The following CLCN1 variants were observed in gnomAD, a reference collection of about 807,000 sequenced individuals.
CLCN1 encodes chloride voltage-gated channel 1, also known as chloride channel protein 1.
In CLCN1, 100 loss-of-function variants were observed where a neutral mutation model predicts 114.5. The observed-to-expected ratio is 0.87, with a 90% CI of 0.74 to 1.03. The LOEUF (loss-of-function observed/expected upper bound fraction) is 1.03. CLCN1 is among the 50% of genes least tolerant of loss of function. The probability of loss-of-function intolerance (pLI) is 0.00; values close to 1 mark genes in which losing one functional copy is unlikely to be tolerated. For missense variants in CLCN1, 1,188 were observed against 1,250.0 expected, an observed-to-expected ratio of 0.95 and a Z score of 0.75; for synonymous variants, 485 against 487.1, an observed-to-expected ratio of 1.00 and a Z score of 0.06.
chr7:143,332,312 G>A, intron 10 of CLCN1, 107 bp from the exon 11 acceptor site: 1 of 885,266 alleles, frequency 1.1e-6, no homozygotes, highest in South Asian at 1.3e-5. Flanking sequence ...TTCATTTAAA[G>A]AAATGAGACT....
chr7:143,339,517 C>A lies in CLCN1; in HGVS notation c.1478C>A (p.Ala493Glu), dbSNP rs770900468. The A allele has an allele frequency of 9.3e-6, 15 of 1,611,698 alleles. No homozygotes were observed. The highest frequency in any genetic ancestry group is 1.1e-5 in the Non-Finnish European group (13 of 1,177,868). Reference protein sequence around the residue: ...GFMPVFVLGAAFGRLVGEIMA... With the variant: ...GFMPVFVLGAEFGRLVGEIMA... The stretch of plus-strand genomic sequence containing the variant: ...CCTTTTATCTTCCCTCTAGGAGCTG[C>A]ATTTGGAAGGCTGGTAGGAGAAATC... Residue 493 changes from alanine (A) to glutamate (E), a missense_variant, in exon 14 of 23, where the codon GCA becomes GAA. Ala to Glu is a moderately radical substitution (Grantham distance 107). Coordinates refer to ENST00000343257, the MANE Select transcript of CLCN1 (RefSeq NM_000083.3). This position sits in a 1 kb window ranked among gnomAD's most constrained non-coding sequence, Gnocchi z 4.1.
chr7:143,321,295 A>T lies in CLCN1; in HGVS notation c.434-70A>T, dbSNP rs1802424306. 10 of 1,580,444 alleles carry T rather than the reference A, an allele frequency of 6.3e-6. No homozygotes were observed. Among genetic ancestry groups the T allele is most frequent in the Non-Finnish European group, 8.7e-6 (10 of 1,155,604 alleles). Reference sequence around the variant, plus strand: ...AGCACGGCCTGAGAACATGCCGGGTACACGTCCTGGTGCCGTGGACACGGC... The same window carrying T: ...AGCACGGCCTGAGAACATGCCGGGTTCACGTCCTGGTGCCGTGGACACGGC... On this transcript the variant is annotated intron_variant, in intron 3 of 22. Coordinates refer to ENST00000343257, the MANE Select transcript of CLCN1 (RefSeq NM_000083.3). The surrounding 1 kb of genome is among the most constrained non-coding windows in gnomAD (Gnocchi z 4.2).
intron 6 of CLCN1, chr7:143,323,736 C>T: frequency 4.0e-6 from 2 of 499,738 alleles, no homozygotes; most frequent in Non-Finnish European, 8.1e-6. Context: ...CTTTGTAGCT[C>T]CCAATCCCTC....
intron 16 of CLCN1, among the ~76,000 whole-genome samples, chr7:143,343,269 A>G (rs1803138057): frequency 6.6e-6 from 1 of 152,252 alleles, no homozygotes; most frequent in Non-Finnish European, 1.5e-5. Flanking sequence ...CACTAGGAAC[A>G]GTAAACAGCA....
intron 16 of CLCN1, among the ~76,000 whole-genome samples, chr7:143,343,901 G>A (rs558977817): frequency 2.0e-5 from 3 of 151,826 alleles, no homozygotes; most frequent in Admixed American, 1.3e-4. Flanking sequence ...GTGCAATGGC[G>A]CCATCTTGGC....
chr7:143,316,389 A>G lies in CLCN1; in HGVS notation c.177A>G (p.Thr59=), dbSNP rs1586479596. ...GCCCCCGCCACAACGTCCACCCCAC[A>G]CAGGTAAAGTGCTCTAAGGGGAGAG... ...DAGPRHNVHP[T]QIYGHHKEQF... is the part of the protein sequence containing the mutation. Residue 59 remains threonine (T), a synonymous_variant, in exon 1 of 23, where the codon ACA becomes ACG. Coordinates refer to ENST00000343257, the MANE Select transcript of CLCN1 (RefSeq NM_000083.3). 1 of 1,612,808 alleles carries G rather than the reference A, an allele frequency of 6.2e-7. No individual in the cohort carries two copies. The highest frequency in any genetic ancestry group is 1.1e-5 in the South Asian group (1 of 91,072).
chr7:143,349,625 A>AAACAGACAAAAACC (rs1404091547), intron 20 of CLCN1, among the ~76,000 whole-genome samples: 9 of 152,236 alleles, frequency 5.9e-5, no homozygotes, highest in Non-Finnish European at 1.2e-4. Flanking sequence ...AGACAAAAAC[A>AAACAGACAAAAACC]AACAAACAAA....
intron 12 of CLCN1, among the ~76,000 whole-genome samples, chr7:143,334,447 T>C (rs1802817403): frequency 6.6e-6 from 1 of 152,202 alleles, no homozygotes; most frequent in African/African-American, 2.4e-5. Flanking sequence ...GTTATATTTA[T>C]ATTGCAATAG....
intron 1 of CLCN1, among the ~76,000 whole-genome samples, chr7:143,317,600 G>T (rs1307862802): frequency 2.0e-5 from 3 of 150,666 alleles, no homozygotes; most frequent in Non-Finnish European, 4.4e-5. Context: ...TTTTAACAGG[G>T]AGCCTTCAGT....
In CLCN1 at chr7:143,319,656, G is replaced by A. The variant is rs1360961790; in HGVS notation, c.181-99G>A. On this transcript the variant is annotated intron_variant, in intron 1 of 22. Coordinates refer to ENST00000343257, the MANE Select transcript of CLCN1 (RefSeq NM_000083.3). The stretch of plus-strand genomic sequence containing the variant: ...GCAGTCAACACCCAGAATTCAAAAA[G>A]CTGTTGTTCTTTTCTTCTGTGAGTC... The A allele has an allele frequency of 2.3e-6, 3 of 1,315,288 alleles. No homozygotes were observed. The African/African-American group carries it at 4.4e-5, about 19-fold the overall frequency. The allele number at this position is 1,315,288 out of a possible 1,614,324, so 81.5% of individuals were successfully genotyped here. A position where few individuals can be genotyped will look rare whatever the true frequency, so the allele number is the denominator to read the frequency against.
In CLCN1 at chr7:143,346,941, C is replaced by T. The variant is rs774565204; in HGVS notation, c.2395C>T (p.Pro799Ser). 1 of 1,613,494 alleles carries T rather than the reference C, an allele frequency of 6.2e-7. No individual in the cohort carries two copies. The highest frequency in any genetic ancestry group is 1.1e-5 in the South Asian group (1 of 91,064). ...DSTDLVDNMS[P>S]EEIEAWEQEQ... Reference sequence around the variant, plus strand: ...CACAGATTTAGTGGATAACATGTCACCTGAAGAGGTGAGTAAGGGAAATGG... The same window carrying T: ...CACAGATTTAGTGGATAACATGTCATCTGAAGAGGTGAGTAAGGGAAATGG... The change falls in exon 20 of 23, where the codon CCT (proline) becomes TCT (serine). Residue 799 changes from proline (P) to serine (S), a missense_variant. Coordinates refer to ENST00000343257, the MANE Select transcript of CLCN1 (RefSeq NM_000083.3).
At chr7:143,332,296 A>C in intron 10 of CLCN1, 123 bp from the exon 11 acceptor site, 1 of 838,328 alleles carries the variant, frequency 1.2e-6, no homozygotes, top group Non-Finnish European at 2.1e-6. Context: ...TGTGAAGAGA[A>C]TCTTTTTCAT....
intron 1 of CLCN1, among the ~76,000 whole-genome samples, chr7:143,319,116 C>T (rs1239732269): frequency 1.3e-5 from 2 of 152,162 alleles, no homozygotes; most frequent in African/African-American, 2.4e-5. Context: ...GTCCTCTTCA[C>T]ATGTGGGGCA....
In CLCN1 at chr7:143,345,530, T is replaced by C. The variant is rs1328217246; in HGVS notation, c.1940T>C (p.Ile647Thr). The C allele has an allele frequency of 1.3e-6, 2 of 1,537,560 alleles. No homozygotes were observed. The highest frequency in any genetic ancestry group is 2.5e-5 in the East Asian group (1 of 40,566). Residue 647 changes from isoleucine to threonine, a missense_variant, in exon 17 of 23, where the codon ATC becomes ACC. Coordinates refer to ENST00000343257, the MANE Select transcript of CLCN1 (RefSeq NM_000083.3). ...CGTGGGTTTCCCTCAGATTCAATGA[T>C]CCTGCTGGGCTCGGTGGAGCGGTCG... ...LPLVDSKDSM[I>T]LLGSVERSEL...
In CLCN1 at chr7:143,350,776, C is replaced by CT. The variant is rs1332183946; in HGVS notation, c.2595+125dup. 5 of 695,530 alleles carry CT rather than the reference C, an allele frequency of 7.2e-6. No individual in the cohort carries two copies. The highest frequency in any genetic ancestry group is 2.6e-5 in the East Asian group (1 of 38,586). 43.1% of individuals were successfully genotyped at this position (695,530 alleles called of 1,614,324 possible). ...TCCCCTCAGATTCCCTTCTCTATTT[C>CT]TTTCTTTTTTTTTTTTTTGAGACAG... On this transcript the variant is annotated intron_variant, in intron 22 of 22. Transcript: ENST00000343257. This position sits in a 1 kb window ranked among gnomAD's most constrained non-coding sequence, Gnocchi z 5.1.
Position 143,342,482 on chromosome 7 carries a change from CTT to C in CLCN1, c.1909_1910del (p.Leu637ThrfsTer4), listed in dbSNP as rs1237554305. ...CTGCTCCAGACCACCACAGTCAAGA[CTT>C]TACCACTGGTTGACTCAAAAGGTCA... On this transcript the variant is annotated frameshift_variant, in exon 16 of 23. Coordinates refer to ENST00000343257, the MANE Select transcript of CLCN1 (RefSeq NM_000083.3). LOFTEE classifies it high-confidence loss of function. 1 of 1,614,042 alleles carries C rather than the reference CTT, an allele frequency of 6.2e-7. No homozygotes were observed. Among genetic ancestry groups the C allele is most frequent in the African/African-American group, 1.3e-5 (1 of 74,926 alleles).
In CLCN1 at chr7:143,350,763, C is replaced by G; in HGVS notation, c.2595+109C>G. 1 of 785,418 alleles carries G rather than the reference C, an allele frequency of 1.3e-6. No homozygotes were observed. Among genetic ancestry groups the G allele is most frequent in the East Asian group, 2.4e-5 (1 of 40,832 alleles). 48.7% of individuals were successfully genotyped at this position (785,418 alleles called of 1,614,324 possible). A position where few individuals can be genotyped will look rare whatever the true frequency, so the allele number is the denominator to read the frequency against. ...AGCATCTCAGAAGTCCCCTCAGATTCCCTTCTCTATTTCTTTCTTTTTTTT... is the reference window on the plus strand; with the variant it reads ...AGCATCTCAGAAGTCCCCTCAGATTGCCTTCTCTATTTCTTTCTTTTTTTT... On this transcript the variant is annotated intron_variant, in intron 22 of 22. Coordinates refer to ENST00000343257, the MANE Select transcript of CLCN1 (RefSeq NM_000083.3). This position sits in a 1 kb window ranked among gnomAD's most constrained non-coding sequence, Gnocchi z 5.1.
intron 7 of CLCN1, among the ~76,000 whole-genome samples, chr7:143,325,361 G>A (rs1802549091): frequency 1.3e-5 from 2 of 152,230 alleles, no homozygotes; most frequent in South Asian, 4.1e-4. Flanking sequence ...ATCTTCCAGG[G>A]AACTAAAATG....
chr7:143,336,464 C>T (rs954001697), intron 12 of CLCN1, among the ~76,000 whole-genome samples: 5 of 151,538 alleles, frequency 3.3e-5, no homozygotes, highest in Non-Finnish European at 5.9e-5. Context: ...ACAAAAATTA[C>T]CTGGGCGTGG....
Sources: allele counts gnomAD v4.1 joint callset (sites outside exome capture counted in the v4.1 genomes callset), GRCh38; gene constraint gnomAD v4.1.1; non-coding constraint Gnocchi (gnomAD v3.1); transcripts MANE v1.5; gene names NCBI Gene and HGNC (gene_info 2026-07-23, HGNC 2026-07-21).